Variants in DNAH10 observed in about 807,000 individuals in gnomAD.
DNAH10 encodes dynein axonemal heavy chain 10, also known as axonemal beta dynein heavy chain 10.
A neutral mutation model predicts 506.6 loss-of-function variants in DNAH10; 348 were observed. The ratio of observed to expected loss-of-function variants is 0.69; its 90% confidence interval spans 0.63 to 0.75. The LOEUF is 0.75. Among genes scored for constraint, DNAH10 ranks in the 30% least tolerant of loss-of-function variants. DNAH10 has a pLI of 0.00. For synonymous variants in DNAH10, 2,059 were observed against 2,198.6 expected, an observed-to-expected ratio of 0.94 and a Z score of 1.78; for missense variants, 5,179 against 5,787.1, an observed-to-expected ratio of 0.89 and a Z score of 3.41.
chr12:123,932,994 C>G (rs1955290594), intron 76 of DNAH10, among the ~76,000 whole-genome samples: 2 of 152,286 alleles, frequency 1.3e-5, no homozygotes, highest in South Asian at 4.1e-4. Context: ...GTATTTTTTC[C>G]ACAGAAAAGC....
intron 57 of DNAH10, chr12:123,908,619 C>T (rs1953920127): frequency 2.7e-5 from 12 of 450,742 alleles, no homozygotes; most frequent in South Asian, 1.4e-4. Flanking sequence ...TCTCCTGTTC[C>T]GTTGGCAGTT....
At chr12:123,843,095 A>G (rs1950827358) in intron 30 of DNAH10, among the ~76,000 whole-genome samples, 1 of 152,206 alleles carries the variant, frequency 6.6e-6, no homozygotes. Flanking sequence ...GGGCATTGCT[A>G]TGTTTGGTAG....
At position 123,793,603 on chromosome 12, in the gene DNAH10, A is replaced by G. The variant is rs140953628; in HGVS notation, c.1816-339A>G. On this transcript the variant is annotated intron_variant, in intron 11 of 78. Transcript: ENST00000673944. ...TCTGCCCGTCTCGGCCTCCCAAAGT[A>G]CTGGGATTACAGGTGTGAGGCACTG... Among the ~76,000 whole-genome samples, 396 of 152,172 alleles carry G rather than the reference A, an allele frequency of 2.6e-3. 3 individuals are homozygous for G. Among genetic ancestry groups the G allele is most frequent in the African/African-American group, 8.7e-3 (361 of 41,520 alleles).
Position 123,916,727 on chromosome 12 carries a change from A to G in DNAH10, c.10993A>G (p.Asn3665Asp), listed in dbSNP as rs1322280049. The G allele has an allele frequency of 1.9e-6, 3 of 1,609,698 alleles. No homozygotes were observed. The Admixed American group carries it at 5.0e-5, about 27-fold the overall frequency. ...CGTGTTTGGGAAAGCTATGGTGATC[A>G]ATTACACTGGTAAGAATGTGTAGAA... is the stretch of plus-strand genomic sequence containing the variant. The part of the protein sequence containing the change: ...PSVFGKAMVI[N>D]YTVTLKGLED... The change falls in exon 63 of 79, where the codon AAT becomes GAT. Residue 3665 changes from asparagine (N) to aspartate (D), a missense_variant. Coordinates refer to ENST00000673944, the MANE Select transcript of DNAH10 (RefSeq NM_001372106.1). The surrounding 1 kb of genome is among the most constrained non-coding windows in gnomAD (Gnocchi z 4.6).
In DNAH10 at chr12:123,835,456, T is replaced by C. The variant is rs1023532759; in HGVS notation, c.4830T>C (p.Ile1610=). ...GGATGTATCTTGAAAGTATTTTTAT[T>C]GGTGGAGATATAAGATCACAACTTC... is the stretch of plus-strand genomic sequence containing the variant. ...RKWMYLESIF[I]GGDIRSQLPE... The change falls in exon 28 of 79, where the codon ATT becomes ATC. Residue 1610 remains isoleucine (I), a synonymous_variant. Coordinates refer to ENST00000673944, the MANE Select transcript of DNAH10 (RefSeq NM_001372106.1). 6.2e-7 allele frequency: 1 copy of C among 1,609,584 alleles called. No individual in the cohort carries two copies. The highest frequency in any genetic ancestry group is 8.5e-7 in the Non-Finnish European group (1 of 1,177,626).
intron 15 of DNAH10, 79 bp downstream of exon 15, chr12:123,800,467 A>G: frequency 7.7e-7 from 1 of 1,299,884 alleles, no homozygotes; most frequent in East Asian, 2.4e-5. Flanking sequence ...ATTATTGAGG[A>G]CCCCTCCAAA....
chr12:123,856,124 AC>A (rs1951379368), intron 36 of DNAH10, among the ~76,000 whole-genome samples: 1 of 147,362 alleles, frequency 6.8e-6, no homozygotes, highest in East Asian at 1.9e-4. Flanking sequence ...CATTTTATAT[AC>A]ATTTATAAAT....
chr12:123,860,387 T>G (rs1482050788), intron 38 of DNAH10, among the ~76,000 whole-genome samples: 1 of 152,264 alleles, frequency 6.6e-6, no homozygotes, highest in Non-Finnish European at 1.5e-5. Context: ...TTTATAGAAC[T>G]ATCACACAGT....
intron 10 of DNAH10, among the ~76,000 whole-genome samples, chr12:123,788,715 C>T (rs1417816194): frequency 2.6e-5 from 4 of 151,930 alleles, no homozygotes; most frequent in African/African-American, 9.7e-5. Context: ...ATCCCTTGAA[C>T]CCAGGAATTT....
intron 23 of DNAH10, among the ~76,000 whole-genome samples, chr12:123,819,836 C>T (rs1176138034): frequency 6.6e-6 from 1 of 151,532 alleles, no homozygotes; most frequent in African/African-American, 2.4e-5. Flanking sequence ...TCCTGAGTAG[C>T]TGAGACTACA....
In DNAH10 at chr12:123,813,558, C is replaced by T; in HGVS notation, c.3539C>T (p.Ala1180Val). 6.2e-7 allele frequency: 1 copy of T among 1,614,158 alleles called. No homozygotes were observed. Among genetic ancestry groups the T allele is most frequent in the Non-Finnish European group, 8.5e-7 (1 of 1,180,012 alleles). The change falls in exon 20 of 79, where the codon GCC becomes GTC. Residue 1180 changes from alanine (A) to valine (V), a missense_variant. Transcript: ENST00000673944. ...CTGGCAAACACAGTGCAGGAAAATG[C>T]CAAGTCCTGGGTGATTTCGCTTGGA... is the stretch of plus-strand genomic sequence containing the variant. ...RHLANTVQEN[A>V]KSWVISLGKL...
intron 34 of DNAH10, among the ~76,000 whole-genome samples, chr12:123,849,904 T>C (rs1951092679): frequency 1.3e-5 from 2 of 152,174 alleles, no homozygotes; most frequent in South Asian, 2.1e-4. Context: ...ATGAGTTCTT[T>C]TGAGGGATTT....
At chr12:123,781,925 G>A (rs561814544) in intron 6 of DNAH10, among the ~76,000 whole-genome samples, 5 of 152,012 alleles carry the variant, frequency 3.3e-5, no homozygotes, top group African/African-American at 4.8e-5. Context: ...AGGATGATGG[G>A]CCTTTGTGTG....
intron 43 of DNAH10, among the ~76,000 whole-genome samples, chr12:123,869,644 C>A (rs553370158): frequency 6.6e-6 from 1 of 152,338 alleles, no homozygotes; most frequent in African/African-American, 2.4e-5. Flanking sequence ...CTGTCTCTGA[C>A]TTTCTCCTTT....
chr12:123,762,580 G>T lies in DNAH10; in HGVS notation c.214+30G>T. 6.5e-7 allele frequency: 1 copy of T among 1,532,020 alleles called. No individual in the cohort carries two copies. Among genetic ancestry groups the T allele is most frequent in the Non-Finnish European group, 8.8e-7 (1 of 1,140,178 alleles). 94.9% of individuals were successfully genotyped at this position (1,532,020 alleles called of 1,614,324 possible). Reference sequence around the variant, plus strand: ...GCCTCGACGCGCCGCTCCCTTCCCCGGGCTTCCCTCCTGCCCGTCCCGGCC... The same window carrying T: ...GCCTCGACGCGCCGCTCCCTTCCCCTGGCTTCCCTCCTGCCCGTCCCGGCC... On this transcript the variant is annotated intron_variant, in intron 1 of 78. Transcript: ENST00000673944. The surrounding 1 kb of genome is among the most constrained non-coding windows in gnomAD (Gnocchi z 5.0).
chr12:123,935,252 T>G, intron 78 of DNAH10, 83 bp from the exon 79 acceptor site: 6 of 1,532,250 alleles, frequency 3.9e-6, no homozygotes, highest in Non-Finnish European at 5.4e-6. Flanking sequence ...GGCCCCTGCC[T>G]GTCAAGACTT....
At chr12:123,865,515 T>G (rs1285087793) in intron 40 of DNAH10, among the ~76,000 whole-genome samples, 2 of 152,158 alleles carry the variant, frequency 1.3e-5, no homozygotes, top group Admixed American at 1.3e-4. Flanking sequence ...TAGAGAGAGC[T>G]AGGTTTGTTA....
Position 123,926,605 on chromosome 12 carries a change from G to C in DNAH10, c.11922-32G>C, listed in dbSNP as rs762713212. Reference sequence around the variant, plus strand: ...CCCCTGGTCTGGAGCTGTCCTCGCGGGAGAGTTTTCTGACTGTGTTTCTTT... The same window carrying C: ...CCCCTGGTCTGGAGCTGTCCTCGCGCGAGAGTTTTCTGACTGTGTTTCTTT... On this transcript the variant is annotated intron_variant, in intron 68 of 78. Transcript: ENST00000673944. The surrounding 1 kb of genome is among the most constrained non-coding windows in gnomAD (Gnocchi z 4.1). 64 of 1,603,164 alleles carry C rather than the reference G, an allele frequency of 4.0e-5. No homozygotes were observed. The East Asian group carries it at 1.4e-3, about 35-fold the overall frequency.
rs370614947 is a variant in DNAH10 at position 123,826,854 on chromosome 12, G to T, written c.4347G>T (p.Ser1449=). 2.5e-6 allele frequency: 4 copies of T among 1,613,822 alleles called. No homozygotes were observed. The highest frequency in any genetic ancestry group is 2.5e-6 in the Non-Finnish European group (3 of 1,179,870). ...CAAAAATGAAGGCATTCAAAGACTC[G>T]ATTCCTTTACTTCTTGACTTGAAAA... ...LEAKMKAFKD[S]IPLLLDLKNE... The change falls in exon 25 of 79, where the codon TCG becomes TCT. Residue 1449 remains serine, a synonymous_variant. Transcript: ENST00000673944.
Sources: gnomAD v4.1 joint callset for allele counts (sites outside exome capture counted in the v4.1 genomes callset) on GRCh38, gnomAD v4.1.1 for gene constraint, Gnocchi (gnomAD v3.1) non-coding constraint, MANE v1.5 for transcripts, NCBI Gene and HGNC (gene_info 2026-07-23, HGNC 2026-07-21) for gene names.